SMAD2: variants seen among roughly 807,000 people sequenced by gnomAD.
SMAD2 encodes the protein MAD homolog 2.
SMAD2 carries 8 observed loss-of-function variants against 64.4 expected under a neutral mutation model. That is an observed-to-expected ratio of 0.12 (90% CI 0.07 to 0.22). The LOEUF (loss-of-function observed/expected upper bound fraction) is 0.22, where lower values mean the gene tolerates loss of function less well. SMAD2 is among the 10% of genes least tolerant of loss of function. SMAD2 has a pLI of 1.00. For missense variants in SMAD2, 289 were observed against 561.2 expected (o/e 0.51, Z 4.90); for synonymous variants, 203 against 195.8 (o/e 1.04, Z -0.31).
chr18:47,903,964 CAA>C (rs1166970447), intron 1 of SMAD2, among the ~76,000 whole-genome samples: 1 of 139,194 alleles, frequency 7.2e-6, no homozygotes, highest in Non-Finnish European at 1.6e-5. Flanking sequence ...CAATGGGGAA[CAA>C]AAAAATGTAT....
intron 1 of SMAD2, among the ~76,000 whole-genome samples, chr18:47,927,937 T>G (rs2034832894): frequency 2.0e-5 from 3 of 152,162 alleles, no homozygotes; most frequent in Admixed American, 2.0e-4. Context: ...GCATAATCTC[T>G]CATAACCTCT....
chr18:47,914,001 GA>G lies in SMAD2; in HGVS notation c.-54+16359del, dbSNP rs539887636. Among the ~76,000 whole-genome samples the G allele has an allele frequency of 2.6e-4, 39 of 152,278 alleles. 1 individual carries two copies. In the South Asian group the frequency reaches 8.1e-3, roughly 32 times the overall value. The stretch of plus-strand genomic sequence containing the variant: ...ATTAGGATTCTACGATTACTCACCG[GA>G]AAGTTTCAATAAGGTAAGAGGTCTA... On this transcript the variant is annotated intron_variant, in intron 1 of 10. Coordinates refer to ENST00000262160, the MANE Select transcript of SMAD2 (RefSeq NM_005901.6).
chr18:47,869,523 A>G, intron 3 of SMAD2, 87 bp from the exon 4 acceptor site: 1 of 906,606 alleles, frequency 1.1e-6, no homozygotes, highest in Non-Finnish European at 1.7e-6. Context: ...TTAGTACAAT[A>G]AAAGCATAAA....
chr18:47,928,198 C>T lies in SMAD2; in HGVS notation c.-54+2163G>A, dbSNP rs117064833. The stretch of plus-strand genomic sequence containing the variant: ...AGCTTTTATATGCATTACAAAAACA[C>T]CTGTATAAAAAAGCTGCTACAAAAC... On this transcript the variant is annotated intron_variant, in intron 1 of 10. Transcript: ENST00000262160. 2.9e-3 allele frequency among the ~76,000 whole-genome samples: 445 copies of T among 152,238 alleles called. 1 individual carries two copies. Among genetic ancestry groups the T allele is most frequent in the Non-Finnish European group, 5.1e-3 (349 of 68,022 alleles).
chr18:47,876,339 A>G (rs539409245), intron 2 of SMAD2, among the ~76,000 whole-genome samples: 98 of 152,168 alleles, frequency 6.4e-4, no homozygotes, highest in African/African-American at 2.2e-3. Flanking sequence ...AAATATTACA[A>G]TATGTTGAAA....
chr18:47,898,754 T>C (rs1286547384), intron 1 of SMAD2, among the ~76,000 whole-genome samples: 3 of 152,016 alleles, frequency 2.0e-5, no homozygotes, highest in African/African-American at 7.3e-5. Context: ...TTAAGAGAAA[T>C]TGCAAGGGGG....
intron 1 of SMAD2, among the ~76,000 whole-genome samples, chr18:47,927,020 C>A (rs1359084730): frequency 1.3e-5 from 2 of 152,158 alleles, no homozygotes; most frequent in African/African-American, 2.4e-5. Flanking sequence ...AAACCCAAGG[C>A]CTTTCCACTA....
Position 47,850,548 on chromosome 18 carries a change from AAT to A in SMAD2, c.784+724_784+725del, listed in dbSNP as rs1218256482. Among the ~76,000 whole-genome samples the A allele has an allele frequency of 1.3e-4, 2 of 15,278 alleles. 1 individual carries two copies. Among genetic ancestry groups the A allele is most frequent in the African/African-American group, 6.1e-4 (2 of 3,302 alleles). The allele number at this position is 15,278 out of a possible 152,430, so 10.0% of individuals were successfully genotyped here. ...TATGTATAATATATGTTATATATATAATATATATTATGTATAATATATATTAT... is the reference window on the plus strand; with the variant it reads ...TATGTATAATATATGTTATATATATAATATATTATGTATAATATATATTAT... On this transcript the variant is annotated intron_variant, in intron 7 of 10. Transcript: ENST00000262160.
At chr18:47,891,754 T>C (rs547799747) in intron 2 of SMAD2, among the ~76,000 whole-genome samples, 135 of 152,086 alleles carry the variant, frequency 8.9e-4, no homozygotes, top group Admixed American at 6.7e-3. Flanking sequence ...CTAAAAAAAA[T>C]AGAATTGCCT....
intron 2 of SMAD2, among the ~76,000 whole-genome samples, chr18:47,893,715 T>C (rs1396305618): frequency 6.6e-6 from 1 of 152,196 alleles, no homozygotes; most frequent in African/African-American, 2.4e-5. Context: ...AAATGACTAA[T>C]AACCTGACAC....
rs1309792917 is a variant in SMAD2, at chr18:47,837,067, A to C, written c.*4760T>G. The C allele has an allele frequency of 9.8e-6, 2 of 205,126 alleles. No individual in the cohort carries two copies. The highest frequency in any genetic ancestry group is 1.2e-4 in the Admixed American group (2 of 16,774). The allele number at this position is 205,126 out of a possible 1,614,324, so 12.7% of individuals were successfully genotyped here. On this transcript the variant is annotated 3_prime_UTR_variant, in exon 11 of 11. Transcript: ENST00000262160. ...GGCTGCAACTGTCAGAAAAGTTCATAATCTTAAACATAATTTATGCCATTT... is the reference window on the plus strand; with the variant it reads ...GGCTGCAACTGTCAGAAAAGTTCATCATCTTAAACATAATTTATGCCATTT...
Position 47,831,402 on chromosome 18 carries a change from A to T in SMAD2, c.*10425T>A, listed in dbSNP as rs1415327680. 1 of 152,158 alleles carries T rather than the reference A, an allele frequency of 6.6e-6. No homozygotes were observed. The highest frequency in any genetic ancestry group is 2.4e-5 in the African/African-American group (1 of 41,428). 9.4% of individuals were successfully genotyped at this position (152,158 alleles called of 1,614,324 possible). On this transcript the variant is annotated 3_prime_UTR_variant, in exon 11 of 11. Coordinates refer to ENST00000262160, the MANE Select transcript of SMAD2 (RefSeq NM_005901.6). ...TCTGCCCATCTTCTTCCTGGACCAA[A>T]CTGTTCAGAAGTTAACTTCTTTTTC... is the stretch of plus-strand genomic sequence containing the variant.
At chr18:47,897,581 T>C (rs1395712918) in intron 1 of SMAD2, among the ~76,000 whole-genome samples, 1 of 152,252 alleles carries the variant, frequency 6.6e-6, no homozygotes, top group Non-Finnish European at 1.5e-5. Context: ...TCCCACCTTA[T>C]TGCTGTACAA....
intron 1 of SMAD2, among the ~76,000 whole-genome samples, chr18:47,910,215 G>C (rs1335712447): frequency 6.6e-6 from 1 of 150,646 alleles, no homozygotes; most frequent in Non-Finnish European, 1.5e-5. Flanking sequence ...TCAAGAGATG[G>C]ATCTTTTTAG....
intron 6 of SMAD2, among the ~76,000 whole-genome samples, 190 bp downstream of exon 6, chr18:47,864,869 C>T (rs542744564): frequency 3.9e-5 from 6 of 152,228 alleles, no homozygotes; most frequent in East Asian, 3.9e-4. Context: ...GAGTAGCATA[C>T]GTTATAATTT....
In SMAD2 at chr18:47,889,669, G is replaced by A. The variant is rs140029811; in HGVS notation, c.236+6852C>T. Among the ~76,000 whole-genome samples the A allele has an allele frequency of 7.3e-3, 1,103 of 152,006 alleles. 8 individuals are homozygous for A. Among genetic ancestry groups the A allele is most frequent in the African/African-American group, 0.025 (1,039 of 41,418 alleles). ...GCCTGTAGTCCCAGCTACTCAGGAG[G>A]CTGAGGCAGGAGAATGGCGTGAATC... On this transcript the variant is annotated intron_variant, in intron 2 of 10. Transcript: ENST00000262160.
At chr18:47,890,753 T>C (rs904550896) in intron 2 of SMAD2, among the ~76,000 whole-genome samples, 6 of 152,182 alleles carry the variant, frequency 3.9e-5, no homozygotes, top group African/African-American at 1.2e-4. Flanking sequence ...CATATTACGA[T>C]ACAGACAGAC....
intron 6 of SMAD2, among the ~76,000 whole-genome samples, chr18:47,861,011 A>T (rs1180001686): frequency 1.3e-5 from 2 of 152,140 alleles, no homozygotes; most frequent in Non-Finnish European, 2.9e-5. Flanking sequence ...AGTTTATTGT[A>T]GGTCTTAGTT....
rs1912124801 is a variant in SMAD2, at chr18:47,809,226, G to A, written c.*32601C>T. On this transcript the variant is annotated 3_prime_UTR_variant, in exon 11 of 11. Coordinates refer to ENST00000262160, the MANE Select transcript of SMAD2 (RefSeq NM_005901.6). The stretch of plus-strand genomic sequence containing the variant: ...AAAGAGGCAGTCCCTGTACTTGGGG[G>A]TCAGATAGGAAGCATTCCAGTTTCT... The A allele has an allele frequency of 6.6e-6, 1 of 152,336 alleles. No individual in the cohort carries two copies. 9.4% of individuals were successfully genotyped at this position (152,336 alleles called of 1,614,324 possible).
Sources: allele counts gnomAD v4.1 joint callset (sites outside exome capture counted in the v4.1 genomes callset), GRCh38; gene constraint gnomAD v4.1.1; transcripts MANE v1.5; gene names NCBI Gene and HGNC (gene_info 2026-07-23, HGNC 2026-07-21).